The following NELL2 variants were observed in gnomAD, a reference collection of about 807,000 sequenced individuals.
NELL2 encodes the protein protein kinase C-binding protein NELL2.
In NELL2, 41 loss-of-function variants were observed where a neutral mutation model predicts 109.6. That is an observed-to-expected ratio of 0.37 (90% CI 0.29 to 0.49). The LOEUF (loss-of-function observed/expected upper bound fraction) is 0.49, where lower values mean the gene tolerates loss of function less well. Ranked by LOEUF, NELL2 falls within the 20% of genes least tolerant of loss-of-function variation. The pLI is 0.98. For synonymous variants in NELL2, 355 were observed against 344.7 expected, an observed-to-expected ratio of 1.03 and a Z score of -0.33; for missense variants, 900 against 1,008.3, an observed-to-expected ratio of 0.89 and a Z score of 1.45.
chr12:44,895,259 A>C (rs1232812068), intron 1 of NELL2, among the ~76,000 whole-genome samples: 1 of 152,214 alleles, frequency 6.6e-6, no homozygotes, highest in Non-Finnish European at 1.5e-5. Flanking sequence ...AGCTCTGGTC[A>C]AATGATTATA....
At chr12:44,913,571 A>C (rs1324659182) in intron 1 of NELL2, among the ~76,000 whole-genome samples, 1 of 152,158 alleles carries the variant, frequency 6.6e-6, no homozygotes, top group Non-Finnish European at 1.5e-5. Context: ...TCAAGGTAGG[A>C]TTCAGCATTA....
At chr12:44,744,076 GGAATA>G in intron 9 of NELL2, among the ~76,000 whole-genome samples, 1 of 151,728 alleles carries the variant, frequency 6.6e-6, no homozygotes, top group South Asian at 2.1e-4. Context: ...CAAATGTAAA[GGAATA>G]GAAATTATAA....
At chr12:44,884,794 G>A (rs932140113) in intron 1 of NELL2, among the ~76,000 whole-genome samples, 3 of 152,092 alleles carry the variant, frequency 2.0e-5, no homozygotes, top group Admixed American at 6.5e-5. Context: ...AAGGAAAAAC[G>A]TGATTATATC....
intron 3 of NELL2, among the ~76,000 whole-genome samples, chr12:44,808,721 C>A (rs547162684): frequency 1.3e-5 from 2 of 151,992 alleles, no homozygotes; most frequent in Non-Finnish European, 1.5e-5. Flanking sequence ...ATATTGCCAG[C>A]AAGTTTAATT....
Position 44,876,085 on chromosome 12 carries a change from T to G in NELL2, c.-216A>C. ...TTAGACCCTCCAATGCGCACATCAT[T>G]CCCACACGCAGGGCCGAGGCGGCAG... On this transcript the variant is annotated 5_prime_UTR_variant, in exon 1 of 20. Coordinates refer to ENST00000429094, the MANE Select transcript of NELL2 (RefSeq NM_001145108.2). 2.9e-6 allele frequency: 4 copies of G among 1,361,396 alleles called. No individual in the cohort carries two copies. The highest frequency in any genetic ancestry group is 1.8e-5 in the South Asian group (1 of 56,798). 84.3% of individuals were successfully genotyped at this position (1,361,396 alleles called of 1,614,324 possible).
At chr12:44,916,242 C>T (rs1945828092), upstream of NELL2, among the ~76,000 whole-genome samples, 2 of 151,802 alleles carry the variant, frequency 1.3e-5, no homozygotes, top group Non-Finnish European at 2.9e-5. Flanking sequence ...CATGAAGAAG[C>T]TGAGAAATAA....
intron 3 of NELL2, among the ~76,000 whole-genome samples, chr12:44,781,674 T>G (rs372230938): frequency 2.0e-5 from 3 of 152,038 alleles, no homozygotes; most frequent in Non-Finnish European, 4.4e-5. Flanking sequence ...GCACATTAAG[T>G]ACAAGGAAAA....
chr12:44,872,154 C>T (rs934303783), intron 2 of NELL2, among the ~76,000 whole-genome samples: 3 of 152,038 alleles, frequency 2.0e-5, no homozygotes, highest in East Asian at 3.9e-4. Context: ...CCCTTTATAA[C>T]CTTTCATAGG....
At chr12:44,515,726 T>C (rs543723805) in intron 19 of NELL2, among the ~76,000 whole-genome samples, 4 of 152,028 alleles carry the variant, frequency 2.6e-5, no homozygotes, top group Non-Finnish European at 4.4e-5. Context: ...AAAGTAATTA[T>C]TTTTATATAG....
At chr12:44,625,061 T>A (rs1204671720) in intron 13 of NELL2, among the ~76,000 whole-genome samples, 1 of 144,982 alleles carries the variant, frequency 6.9e-6, no homozygotes, top group Non-Finnish European at 1.5e-5. Flanking sequence ...TTGGGGAAAG[T>A]ACACTACTGA....
intron 9 of NELL2, among the ~76,000 whole-genome samples, chr12:44,745,025 C>T (rs1229350023): frequency 6.6e-6 from 1 of 152,210 alleles, no homozygotes. Context: ...CACCAATATC[C>T]TTGATGAACA....
rs919368533 is a variant in NELL2, at chr12:44,876,273, C to A, written c.-404G>T. The A allele has an allele frequency of 5.2e-6, 6 of 1,153,156 alleles. No homozygotes were observed. The highest frequency in any genetic ancestry group is 4.7e-5 in the East Asian group (1 of 21,438). 71.4% of individuals were successfully genotyped at this position (1,153,156 alleles called of 1,614,324 possible). Reference sequence around the variant, plus strand: ...GGGCTGGGGCGGCCCCGCACCCCCCCGTCTTCCCCGCCGCCCGAACCTGTT... The same window carrying A: ...GGGCTGGGGCGGCCCCGCACCCCCCAGTCTTCCCCGCCGCCCGAACCTGTT... On this transcript the variant is annotated 5_prime_UTR_variant, in exon 1 of 20. Coordinates refer to ENST00000429094, the MANE Select transcript of NELL2 (RefSeq NM_001145108.2).
chr12:44,669,195 C>A (rs1013511141), intron 12 of NELL2, among the ~76,000 whole-genome samples: 13 of 152,140 alleles, frequency 8.5e-5, no homozygotes, highest in Non-Finnish European at 1.3e-4. Context: ...AGAATCAAAG[C>A]AAAAGCATCT....
chr12:44,513,389 C>A (rs1048097915), intron 19 of NELL2, among the ~76,000 whole-genome samples: 1 of 151,468 alleles, frequency 6.6e-6, no homozygotes. Flanking sequence ...AATTAATAGA[C>A]GTGAAGAAAA....
rs182014767 is a variant in NELL2, at chr12:44,551,802, A to G, written c.1664-19081T>C. On this transcript the variant is annotated intron_variant, in intron 15 of 19. Transcript: ENST00000429094. ...TGCCCAACTTGGACTGAAGGAGCCCACAGTGGCTTTTTAAAAAAACCACCA... is the reference window on the plus strand; with the variant it reads ...TGCCCAACTTGGACTGAAGGAGCCCGCAGTGGCTTTTTAAAAAAACCACCA... Among the ~76,000 whole-genome samples, 129 of 152,330 alleles carry G rather than the reference A, an allele frequency of 8.5e-4. 1 individual carries two copies. Among genetic ancestry groups the G allele is most frequent in the African/African-American group, 2.3e-3 (97 of 41,586 alleles).
At chr12:44,644,005 A>G (rs1453729242) in intron 13 of NELL2, among the ~76,000 whole-genome samples, 1 of 152,180 alleles carries the variant, frequency 6.6e-6, no homozygotes, top group African/African-American at 2.4e-5. Flanking sequence ...ATAGGACAAG[A>G]CAAACTGTAA....
intron 2 of NELL2, among the ~76,000 whole-genome samples, chr12:44,848,373 C>G (rs1263176405): frequency 6.6e-6 from 1 of 152,092 alleles, no homozygotes; most frequent in Non-Finnish European, 1.5e-5. Flanking sequence ...AGGCAGTCAG[C>G]CAGGAGATGC....
intron 9 of NELL2, among the ~76,000 whole-genome samples, chr12:44,727,913 C>T (rs553338964): frequency 6.6e-6 from 1 of 152,006 alleles, no homozygotes; most frequent in African/African-American, 2.4e-5. Context: ...AGCAAAAGGG[C>T]TTCCCATAAT....
At chr12:44,785,317 C>T (rs1012084993) in intron 3 of NELL2, among the ~76,000 whole-genome samples, 5 of 152,152 alleles carry the variant, frequency 3.3e-5, no homozygotes, top group African/African-American at 1.2e-4. Flanking sequence ...AGGAATACAA[C>T]TTACAAGGGA....
Sources: allele counts gnomAD v4.1 joint callset (sites outside exome capture counted in the v4.1 genomes callset), GRCh38; gene constraint gnomAD v4.1.1; transcripts MANE v1.5; gene names NCBI Gene and HGNC (gene_info 2026-07-23, HGNC 2026-07-21).